KCNIP4: variants seen among roughly 807,000 people sequenced by gnomAD.
KCNIP4 encodes the protein potassium voltage-gated channel interacting protein 4.
KCNIP4 carries 12 observed loss-of-function variants against 34.0 expected under a neutral mutation model. That is an observed-to-expected ratio of 0.35 (90% CI 0.23 to 0.57). The LOEUF (loss-of-function observed/expected upper bound fraction) is 0.57, where lower values mean the gene tolerates loss of function less well. Ranked by LOEUF, KCNIP4 falls within the 20% of genes least tolerant of loss-of-function variation. The probability of loss-of-function intolerance (pLI) is 0.83; values close to 1 mark genes in which losing one functional copy is unlikely to be tolerated. For missense variants in KCNIP4, 238 were observed against 311.7 expected (o/e 0.76, Z 1.78); for synonymous variants, 124 against 102.2 (o/e 1.21, Z -1.29).
intron 1 of KCNIP4, among the ~76,000 whole-genome samples, chr4:21,829,154 T>C (rs1722835483): frequency 6.6e-6 from 1 of 152,068 alleles, no homozygotes; most frequent in South Asian, 2.1e-4. Flanking sequence ...AAAGCAATCT[T>C]TGGGTTTGGA....
At position 21,400,293 on chromosome 4, in the gene KCNIP4, C is replaced by T. The variant is rs1331503492; in HGVS notation, c.62-517584G>A. Among the ~76,000 whole-genome samples the T allele has an allele frequency of 2.6e-5, 4 of 151,802 alleles. No individual in the cohort carries two copies. In the East Asian group the frequency reaches 5.8e-4, roughly 22 times the overall value. On this transcript the variant is annotated intron_variant, in intron 1 of 8. Coordinates refer to ENST00000382152, the MANE Select transcript of KCNIP4 (RefSeq NM_025221.6). ...CCAGAGGAACAAATATAGGCAAAGA[C>T]AACAAGATAACTGTAATGCCTGATG...
intron 1 of KCNIP4, among the ~76,000 whole-genome samples, chr4:21,072,528 G>A (rs1745055457): frequency 6.6e-6 from 1 of 151,332 alleles, no homozygotes; most frequent in Non-Finnish European, 1.5e-5. Context: ...TAAGTTCTTT[G>A]TAGATTCTGG....
At chr4:21,916,320 CT>C (rs1009609570) in intron 1 of KCNIP4, among the ~76,000 whole-genome samples, 18 of 152,078 alleles carry the variant, frequency 1.2e-4, no homozygotes, top group African/African-American at 4.3e-4. Context: ...ACAATCATGC[CT>C]TTTTTTCCAG....
rs377102345 is a variant in KCNIP4 at position 21,087,800 on chromosome 4, A to T, written c.62-205091T>A. ...CACTCAATCCTCCCTTCAAATGTCC[A>T]CTGTGTCTTCATTTCTGTTTATTCT... is the stretch of plus-strand genomic sequence containing the variant. On this transcript the variant is annotated intron_variant, in intron 1 of 8. Transcript: ENST00000382152. Among the ~76,000 whole-genome samples the T allele has an allele frequency of 2.6e-5, 4 of 152,122 alleles. No homozygotes were observed. The East Asian group carries it at 5.8e-4, about 22-fold the overall frequency.
intron 1 of KCNIP4, among the ~76,000 whole-genome samples, chr4:21,888,693 A>T (rs574063975): frequency 2.0e-5 from 3 of 152,010 alleles, no homozygotes; most frequent in African/African-American, 7.2e-5. Flanking sequence ...TCACCATGCT[A>T]TTATAACTGT....
intron 1 of KCNIP4, among the ~76,000 whole-genome samples, chr4:21,858,620 A>T (rs1724891717): frequency 6.6e-6 from 1 of 152,230 alleles, no homozygotes; most frequent in East Asian, 1.9e-4. Flanking sequence ...TTACAAGCAC[A>T]TTGGCATTTT....
intron 1 of KCNIP4, among the ~76,000 whole-genome samples, chr4:21,212,057 T>G (rs546499132): frequency 2.8e-4 from 42 of 152,296 alleles, no homozygotes; most frequent in African/African-American, 1.0e-3. Flanking sequence ...GCATGCCTGT[T>G]CCATAAATTG....
chr4:21,629,262 G>A (rs1577718510), intron 1 of KCNIP4, among the ~76,000 whole-genome samples: 1 of 152,212 alleles, frequency 6.6e-6, no homozygotes, highest in African/African-American at 2.4e-5. Flanking sequence ...ATACTTGAGA[G>A]TTTAAGCACC....
At chr4:21,042,784 CGTAA>C (rs1312001001) in intron 1 of KCNIP4, among the ~76,000 whole-genome samples, 1 of 151,988 alleles carries the variant, frequency 6.6e-6, no homozygotes, top group Non-Finnish European at 1.5e-5. Context: ...TGTTGTACCC[CGTAA>C]GTATGTACAA....
intron 1 of KCNIP4, chr4:21,849,722 G>C (rs1724253332): frequency 6.6e-6 from 1 of 151,980 alleles, no homozygotes; most frequent in Non-Finnish European, 1.5e-5. Context: ...TACTAGATGT[G>C]AAAATTCTAA....
chr4:21,420,357 T>A (rs150146287), intron 1 of KCNIP4, among the ~76,000 whole-genome samples: 1 of 152,210 alleles, frequency 6.6e-6, no homozygotes, highest in Non-Finnish European at 1.5e-5. Context: ...GTTTATGAAC[T>A]GCTGTAATAG....
At chr4:20,986,749 C>G (rs1448179421) in intron 1 of KCNIP4, among the ~76,000 whole-genome samples, 1 of 152,178 alleles carries the variant, frequency 6.6e-6, no homozygotes, top group African/African-American at 2.4e-5. Flanking sequence ...ATTGCCACAT[C>G]TCATTTTCCA....
chr4:20,835,410 G>A (rs1389514604), intron 3 of KCNIP4, among the ~76,000 whole-genome samples: 3 of 152,018 alleles, frequency 2.0e-5, no homozygotes, highest in African/African-American at 7.2e-5. Context: ...TGTGACCTCG[G>A]AGAGGTCACT....
intron 1 of KCNIP4, among the ~76,000 whole-genome samples, chr4:21,444,032 G>T (rs1416810136): frequency 6.6e-6 from 1 of 152,060 alleles, no homozygotes; most frequent in African/African-American, 2.4e-5. Flanking sequence ...TAGAAGAAAT[G>T]GATAAATTCC....
intron 1 of KCNIP4, among the ~76,000 whole-genome samples, chr4:21,034,677 T>C (rs1283617650): frequency 6.6e-6 from 1 of 152,182 alleles, no homozygotes; most frequent in Non-Finnish European, 1.5e-5. Context: ...TTTTCAAGGC[T>C]TAGTGTGAGT....
At chr4:21,905,531 A>C (rs987375813) in intron 1 of KCNIP4, among the ~76,000 whole-genome samples, 3 of 152,170 alleles carry the variant, frequency 2.0e-5, no homozygotes, top group African/African-American at 7.2e-5. Context: ...GCAGCCATAA[A>C]AAATGATGAG....
intron 1 of KCNIP4, among the ~76,000 whole-genome samples, chr4:21,496,924 C>T (rs754279356): frequency 3.3e-5 from 5 of 152,160 alleles, no homozygotes; most frequent in Non-Finnish European, 5.9e-5. Flanking sequence ...TTGTCTTTCA[C>T]GAAACTGGTC....
chr4:21,495,590 T>C (rs1429182044), intron 1 of KCNIP4, among the ~76,000 whole-genome samples: 2 of 135,580 alleles, frequency 1.5e-5, no homozygotes, highest in African/African-American at 6.5e-5. Context: ...AACACTTACC[T>C]TTTTTTTTTT....
intron 1 of KCNIP4, among the ~76,000 whole-genome samples, chr4:21,900,918 C>T (rs1727670336): frequency 6.6e-6 from 1 of 152,122 alleles, no homozygotes; most frequent in South Asian, 2.1e-4. Context: ...CTCATTTCTT[C>T]AGTGTTCAAC....
Sources: gnomAD v4.1 joint callset for allele counts (sites outside exome capture counted in the v4.1 genomes callset) on GRCh38, gnomAD v4.1.1 for gene constraint, MANE v1.5 for transcripts, NCBI Gene and HGNC (gene_info 2026-07-23, HGNC 2026-07-21) for gene names.